The following TRIO variants were observed in gnomAD, a reference collection of about 807,000 sequenced individuals.
TRIO encodes trio Rho guanine nucleotide exchange factor.
In TRIO, 58 loss-of-function variants were observed where a neutral mutation model predicts 351.9. The observed-to-expected ratio is 0.16, with a 90% CI of 0.13 to 0.21. TRIO has a LOEUF of 0.21. TRIO is among the 10% of genes least tolerant of loss of function. The pLI is 1.00. For missense variants in TRIO, 3,201 were observed against 4,027.8 expected (o/e 0.79, Z 5.56); for synonymous variants, 1,758 against 1,595.7 (o/e 1.10, Z -2.42).
intron 1 of TRIO, among the ~76,000 whole-genome samples, chr5:14,188,697 A>G (rs1001791911): frequency 6.6e-6 from 1 of 152,228 alleles, no homozygotes; most frequent in Non-Finnish European, 1.5e-5. Flanking sequence ...CATGCCAATC[A>G]TAAGTTTTGG....
At chr5:14,489,739 A>C (rs780072121) in intron 48 of TRIO, among the ~76,000 whole-genome samples, 48 of 152,216 alleles carry the variant, frequency 3.2e-4, no homozygotes, top group Non-Finnish European at 6.0e-4. Context: ...AAAAATGGCC[A>C]CACCCTGGCT....
chr5:14,150,503 A>G lies in TRIO; in HGVS notation c.157+6621A>G, dbSNP rs577579789. ...AAAAAGGCCAATAATAAACTGGGAG[A>G]AAAACTATTACAAATCAAAGGATTA... On this transcript the variant is annotated intron_variant, in intron 1 of 56. Coordinates refer to ENST00000344204, the MANE Select transcript of TRIO (RefSeq NM_007118.4). Among the ~76,000 whole-genome samples, 3 of 152,324 alleles carry G rather than the reference A, an allele frequency of 2.0e-5. No homozygotes were observed. The East Asian group carries it at 5.8e-4, about 29-fold the overall frequency.
intron 36 of TRIO, among the ~76,000 whole-genome samples, chr5:14,463,523 G>A (rs976970693): frequency 1.3e-5 from 2 of 152,156 alleles, no homozygotes; most frequent in South Asian, 2.1e-4. Context: ...GAGTTCTTAC[G>A]TAGTCTAAAA....
intron 34 of TRIO, among the ~76,000 whole-genome samples, chr5:14,446,711 GA>G (rs1225987155): frequency 6.6e-6 from 1 of 152,074 alleles, no homozygotes; most frequent in Non-Finnish European, 1.5e-5. Flanking sequence ...TTTGATGGGG[GA>G]GTTACTCAAA....
At chr5:14,351,627 G>T (rs1743122134) in intron 11 of TRIO, among the ~76,000 whole-genome samples, 1 of 152,248 alleles carries the variant, frequency 6.6e-6, no homozygotes, top group Admixed American at 6.5e-5. Flanking sequence ...TAGAGAAGAT[G>T]CATGTAGTAA....
At chr5:14,398,096 CTG>C (rs2152372908) in intron 29 of TRIO, among the ~76,000 whole-genome samples, 1 of 152,296 alleles carries the variant, frequency 6.6e-6, no homozygotes, top group Admixed American at 6.5e-5. Context: ...CTGCTTTTAA[CTG>C]TTCCTGGGGC....
At chr5:14,488,406 T>TGCGGG (rs1756208133) in intron 48 of TRIO, 146 bp downstream of exon 48, 1 of 1,265,320 alleles carries the variant, frequency 7.9e-7, no homozygotes, top group Non-Finnish European at 1.1e-6. Flanking sequence ...AGGCTAACCC[T>TGCGGG]CCTGCGGGCC....
intron 15 of TRIO, 51 bp from the exon 16 acceptor site, chr5:14,366,809 A>T: frequency 6.2e-7 from 1 of 1,611,290 alleles, no homozygotes; most frequent in East Asian, 2.2e-5. Context: ...GGTGGTCCAC[A>T]GGATTCTCTG....
At chr5:14,280,534 C>A in intron 3 of TRIO, 98 bp downstream of exon 3, 1 of 1,007,266 alleles carries the variant, frequency 9.9e-7, no homozygotes, top group Non-Finnish European at 1.5e-6. Context: ...GCCTGCATTC[C>A]AGGCAAAGTA....
intron 34 of TRIO, among the ~76,000 whole-genome samples, chr5:14,451,151 T>G (rs1752823597): frequency 6.6e-6 from 1 of 152,234 alleles, no homozygotes; most frequent in Admixed American, 6.5e-5. Flanking sequence ...CCCAGCTTTG[T>G]CTCATCATCA....
At chr5:14,278,667 A>T (rs1364863528) in intron 2 of TRIO, among the ~76,000 whole-genome samples, 1 of 152,212 alleles carries the variant, frequency 6.6e-6, no homozygotes, top group Non-Finnish European at 1.5e-5. Flanking sequence ...TGAAATTGTT[A>T]ATCTGTCTTA....
chr5:14,481,328 T>C (rs192381309), intron 44 of TRIO, 44 bp downstream of exon 44: 174 of 1,607,284 alleles, frequency 1.1e-4, no homozygotes, highest in Admixed American at 2.0e-4. Context: ...CCCACCAGCC[T>C]CTTTTCCTAA....
intron 1 of TRIO, among the ~76,000 whole-genome samples, chr5:14,175,083 T>C (rs182109535): frequency 3.1e-4 from 47 of 152,358 alleles, no homozygotes; most frequent in African/African-American, 1.1e-3. Context: ...GGTTTTCTGG[T>C]TAAGTTTCTC....
chr5:14,267,305 G>A (rs1480086727), intron 1 of TRIO, among the ~76,000 whole-genome samples: 1 of 152,040 alleles, frequency 6.6e-6, no homozygotes, highest in Non-Finnish European at 1.5e-5. Context: ...TGTTGCTGAC[G>A]CCTGGTCTTT....
At chr5:14,195,271 A>G (rs958504716) in intron 1 of TRIO, among the ~76,000 whole-genome samples, 2 of 152,176 alleles carry the variant, frequency 1.3e-5, no homozygotes, top group Non-Finnish European at 2.9e-5. Flanking sequence ...GAAGAATACA[A>G]TCTAGTTAAT....
chr5:14,271,666 A>G (rs925818549), intron 2 of TRIO, among the ~76,000 whole-genome samples: 1 of 152,248 alleles, frequency 6.6e-6, no homozygotes, highest in African/African-American at 2.4e-5. Flanking sequence ...TTTCTGCTCT[A>G]TCAGGAAGTA....
intron 46 of TRIO, among the ~76,000 whole-genome samples, chr5:14,484,587 A>G (rs760519546): frequency 2.6e-5 from 4 of 152,330 alleles, no homozygotes; most frequent in South Asian, 2.1e-4. Context: ...GTGGGGATCA[A>G]TGTGCTTTAA....
chr5:14,408,692 C>A (rs1308281547), intron 33 of TRIO, among the ~76,000 whole-genome samples: 1 of 151,860 alleles, frequency 6.6e-6, no homozygotes, highest in Non-Finnish European at 1.5e-5. Context: ...CATGAGGCTG[C>A]CACCTGAAAG....
intron 1 of TRIO, among the ~76,000 whole-genome samples, chr5:14,248,605 G>T (rs1028501282): frequency 6.6e-5 from 10 of 152,202 alleles, no homozygotes; most frequent in Non-Finnish European, 1.2e-4. Flanking sequence ...TTCCTGAGGG[G>T]AGCCCCTTGC....
Sources: allele counts gnomAD v4.1 joint callset (sites outside exome capture counted in the v4.1 genomes callset), GRCh38; gene constraint gnomAD v4.1.1; transcripts MANE v1.5; gene names NCBI Gene and HGNC (gene_info 2026-07-23, HGNC 2026-07-21).